Variants in ASTN2 observed in about 807,000 individuals in gnomAD.
The protein encoded by ASTN2 is astrotactin-2.
ASTN2 carries 54 observed loss-of-function variants against 139.8 expected under a neutral mutation model. That is an observed-to-expected ratio of 0.39 (90% CI 0.31 to 0.48). ASTN2 has a LOEUF of 0.48. ASTN2 is among the 20% of genes least tolerant of loss of function. The pLI, the probability that ASTN2 is intolerant of heterozygous loss-of-function variation, is 0.95. For missense variants in ASTN2, 1,565 were observed against 1,725.1 expected, an observed-to-expected ratio of 0.91 and a Z score of 1.64; for synonymous variants, 756 against 719.5, an observed-to-expected ratio of 1.05 and a Z score of -0.81.
chr9:117,377,943 T>C (rs940328015), intron 1 of ASTN2, among the ~76,000 whole-genome samples: 109 of 152,092 alleles, frequency 7.2e-4, no homozygotes, highest in Middle Eastern at 6.8e-3. Context: ...AAGAGAAAAA[T>C]AAGTGAGAAG....
intron 1 of ASTN2, among the ~76,000 whole-genome samples, chr9:117,398,309 A>G (rs1830730625): frequency 2.0e-5 from 3 of 152,166 alleles, no homozygotes; most frequent in Admixed American, 2.0e-4. Flanking sequence ...CCTTTCCAAT[A>G]TATTGTACAT....
intron 19 of ASTN2, among the ~76,000 whole-genome samples, chr9:116,498,180 A>T (rs1344903511): frequency 6.6e-6 from 1 of 152,234 alleles, no homozygotes; most frequent in Non-Finnish European, 1.5e-5. Flanking sequence ...GCAAAGCTAG[A>T]ACTTGAACCC....
chr9:117,109,984 T>G (rs1829209793), intron 4 of ASTN2, among the ~76,000 whole-genome samples: 1 of 152,198 alleles, frequency 6.6e-6, no homozygotes, highest in Non-Finnish European at 1.5e-5. Context: ...ATTTTATTTT[T>G]CAGAATCTTC....
chr9:117,374,879 C>T (rs1293855698), intron 1 of ASTN2, among the ~76,000 whole-genome samples: 1 of 152,176 alleles, frequency 6.6e-6, no homozygotes, highest in Admixed American at 6.5e-5. Flanking sequence ...TCTGGACAAA[C>T]CGAATACTGT....
chr9:117,020,084 AT>A (rs1837833175), intron 6 of ASTN2, among the ~76,000 whole-genome samples: 1 of 151,620 alleles, frequency 6.6e-6, no homozygotes, highest in Non-Finnish European at 1.5e-5. Context: ...AAGGAAATAC[AT>A]CAAAAGGGTA....
intron 10 of ASTN2, among the ~76,000 whole-genome samples, chr9:116,930,982 A>C (rs1036823046): frequency 6.6e-6 from 1 of 151,456 alleles, no homozygotes; most frequent in Non-Finnish European, 1.5e-5. Flanking sequence ...ACTGACCCCA[A>C]TCTAATTATT....
At chr9:116,683,533 G>T (rs1410181400) in intron 16 of ASTN2, among the ~76,000 whole-genome samples, 2 of 152,148 alleles carry the variant, frequency 1.3e-5, no homozygotes, top group Non-Finnish European at 2.9e-5. Context: ...CACTCTGAGT[G>T]CAGGTCTCAG....
At chr9:116,556,506 GAGA>G (rs1161239026) in intron 19 of ASTN2, among the ~76,000 whole-genome samples, 2 of 152,286 alleles carry the variant, frequency 1.3e-5, no homozygotes, top group South Asian at 4.2e-4. Flanking sequence ...AGAGGCTGTT[GAGA>G]AGGAGGCTTC....
intron 3 of ASTN2, among the ~76,000 whole-genome samples, chr9:117,163,690 A>G (rs1830603704): frequency 6.6e-6 from 1 of 152,118 alleles, no homozygotes; most frequent in South Asian, 2.1e-4. Context: ...CTACCATGAG[A>G]CAATCGATAT....
At chr9:117,131,204 G>A (rs931690629) in intron 4 of ASTN2, among the ~76,000 whole-genome samples, 2 of 152,100 alleles carry the variant, frequency 1.3e-5, no homozygotes, top group Non-Finnish European at 2.9e-5. Flanking sequence ...CACACTCAAA[G>A]CCAAGAGAAA....
intron 11 of ASTN2, among the ~76,000 whole-genome samples, chr9:116,849,365 C>T (rs1832527512): frequency 6.6e-6 from 1 of 152,062 alleles, no homozygotes; most frequent in Non-Finnish European, 1.5e-5. Flanking sequence ...TTCCTGTGAC[C>T]AGCCCTCACC....
chr9:116,915,899 T>A (rs1267819538), intron 10 of ASTN2, among the ~76,000 whole-genome samples: 1 of 152,186 alleles, frequency 6.6e-6, no homozygotes, highest in Non-Finnish European at 1.5e-5. Flanking sequence ...GAAAGTGGCT[T>A]GCAGTGGGGT....
At chr9:116,931,032 T>G (rs1834881553) in intron 10 of ASTN2, among the ~76,000 whole-genome samples, 2 of 152,182 alleles carry the variant, frequency 1.3e-5, no homozygotes, top group East Asian at 3.9e-4. Flanking sequence ...AGTGACATCT[T>G]CGACCTCATC....
chr9:116,762,837 C>T (rs1023749954), intron 13 of ASTN2, among the ~76,000 whole-genome samples: 1 of 152,168 alleles, frequency 6.6e-6, no homozygotes, highest in Non-Finnish European at 1.5e-5. Context: ...AAAATATTTA[C>T]TATTGAGGCC....
rs751935313 is a variant in ASTN2, at chr9:116,808,014, G to A, written c.2208-2194C>T. Among the ~76,000 whole-genome samples, 15 of 151,928 alleles carry A rather than the reference G, an allele frequency of 9.9e-5. 1 individual carries two copies. The highest frequency in any genetic ancestry group is 6.2e-4 in the South Asian group (3 of 4,802). On this transcript the variant is annotated intron_variant, in intron 12 of 22. Coordinates refer to ENST00000313400, the MANE Select transcript of ASTN2 (RefSeq NM_001365068.1). ...CTGTAATCCCAGCTACTCAGGAGGCGGAGGCAGGAGAATCACTTGAACCTG... is the reference window on the plus strand; with the variant it reads ...CTGTAATCCCAGCTACTCAGGAGGCAGAGGCAGGAGAATCACTTGAACCTG...
intron 5 of ASTN2, among the ~76,000 whole-genome samples, chr9:117,086,435 A>ATGG (rs1325234785): frequency 6.6e-6 from 1 of 152,028 alleles, no homozygotes; most frequent in Non-Finnish European, 1.5e-5. Context: ...TTAGCCAAAC[A>ATGG]TGGTGGCACG....
chr9:117,180,453 C>T (rs1831029952), intron 3 of ASTN2, among the ~76,000 whole-genome samples: 1 of 152,128 alleles, frequency 6.6e-6, no homozygotes, highest in Non-Finnish European at 1.5e-5. Flanking sequence ...AAATTCAGCT[C>T]AAATGTCTCC....
intron 10 of ASTN2, among the ~76,000 whole-genome samples, chr9:116,884,020 C>T (rs1484349060): frequency 6.6e-6 from 1 of 152,172 alleles, no homozygotes; most frequent in South Asian, 2.1e-4. Context: ...CAAAAGGCAG[C>T]AGAAGAGGGG....
intron 2 of ASTN2, among the ~76,000 whole-genome samples, chr9:117,270,217 T>C (rs75328379): frequency 0.014 from 2,117 of 152,284 alleles, 42 homozygotes; most frequent in African/African-American, 0.047. Flanking sequence ...TATACTCTCT[T>C]TACAAATGTT....
Sources: allele counts gnomAD v4.1 joint callset (sites outside exome capture counted in the v4.1 genomes callset), GRCh38; gene constraint gnomAD v4.1.1; transcripts MANE v1.5; gene names NCBI Gene and HGNC (gene_info 2026-07-23, HGNC 2026-07-21).